The following AACS variants were observed in gnomAD, a reference collection of about 807,000 sequenced individuals.
AACS encodes acetoacetyl-CoA synthetase, also known as acetoacetate-CoA ligase.
In AACS, 69 loss-of-function variants were observed where a neutral mutation model predicts 83.1. The ratio of observed to expected loss-of-function variants is 0.83; its 90% CI spans 0.68 to 1.01. The LOEUF (loss-of-function observed/expected upper bound fraction) is 1.01, where lower values mean the gene tolerates loss of function less well. Among genes scored for constraint, AACS ranks in the 50% least tolerant of loss-of-function variants. The pLI is 0.00. For synonymous variants in AACS, 333 were observed against 343.4 expected (o/e 0.97, Z 0.33); for missense variants, 866 against 882.2 (o/e 0.98, Z 0.23).
intron 4 of AACS, 128 bp downstream of exon 4, chr12:125,086,571 G>C (rs535367166): frequency 1.3e-5 from 10 of 794,990 alleles, no homozygotes; most frequent in South Asian, 1.0e-4. Flanking sequence ...GTGGGACTTG[G>C]ACTCTACATG....
chr12:125,104,407 A>T (rs1028437147), intron 7 of AACS, among the ~76,000 whole-genome samples: 1 of 152,190 alleles, frequency 6.6e-6, no homozygotes, highest in African/African-American at 2.4e-5. Flanking sequence ...GGGGCACCAC[A>T]AGGTACAAAT....
chr12:125,081,691 G>C (rs1956189658), intron 3 of AACS, among the ~76,000 whole-genome samples: 1 of 152,196 alleles, frequency 6.6e-6, no homozygotes, highest in Non-Finnish European at 1.5e-5. Context: ...GAGATTGTTA[G>C]AACAGCTGCC....
At chr12:125,109,220 C>T (rs980717268) in intron 8 of AACS, among the ~76,000 whole-genome samples, 3 of 152,140 alleles carry the variant, frequency 2.0e-5, no homozygotes, top group African/African-American at 4.8e-5. Flanking sequence ...CAACCTCTAC[C>T]TCCTGGGCCC....
chr12:125,065,514 C>G lies in AACS; in HGVS notation c.-71C>G. On this transcript the variant is annotated 5_prime_UTR_variant, in exon 1 of 18. Coordinates refer to ENST00000316519, the MANE Select transcript of AACS (RefSeq NM_023928.5). The stretch of plus-strand genomic sequence containing the variant: ...ACCGTCGCTTCCTCCGGTCCCAGGT[C>G]CCCGGCCCTCGCCTCAGCCCCGGCC... 7.3e-7 allele frequency: 1 copy of G among 1,368,348 alleles called. No individual in the cohort carries two copies. The highest frequency in any genetic ancestry group is 1.8e-5 in the South Asian group (1 of 56,998). 84.8% of individuals were successfully genotyped at this position (1,368,348 alleles called of 1,614,324 possible).
chr12:125,067,993 G>GT (rs1179881724), intron 1 of AACS, among the ~76,000 whole-genome samples: 5 of 152,216 alleles, frequency 3.3e-5, no homozygotes, highest in Non-Finnish European at 7.3e-5. Flanking sequence ...GTCAAGCCCA[G>GT]TGCTCAGCTC....
intron 4 of AACS, 46 bp from the exon 5 acceptor site, chr12:125,091,380 C>G: frequency 1.9e-6 from 3 of 1,593,060 alleles, no homozygotes; most frequent in Non-Finnish European, 2.6e-6. Context: ...TCTGCTACCT[C>G]CCATACACCC....
At chr12:125,085,473 C>T (rs563243205) in intron 3 of AACS, among the ~76,000 whole-genome samples, 20 of 152,374 alleles carry the variant, frequency 1.3e-4, no homozygotes, top group Admixed American at 2.6e-4. Context: ...ACGTGTGTTT[C>T]GTGGAACCAC....
rs138371145 is a variant in AACS at position 125,107,262 on chromosome 12, C to T, written c.909C>T (p.Ser303=). ...GCGCACCCAAGTGCATGGTGCATTC[C>T]GCTGGGGTAGGTCTCTGGGGAAGGC... The part of the protein sequence containing the change: ...TTGAPKCMVH[S]AGGTLIQHLK... Residue 303 remains serine, a synonymous_variant, in exon 8 of 18, where the codon TCC becomes TCT. Transcript: ENST00000316519. 214 of 1,613,586 alleles carry T rather than the reference C, an allele frequency of 1.3e-4. No individual in the cohort carries two copies. In the South Asian group the frequency reaches 1.3e-3, roughly 10 times the overall value.
At chr12:125,121,597 G>A (rs536360284) in intron 10 of AACS, 2 of 152,362 alleles carry the variant, frequency 1.3e-5, no homozygotes, top group South Asian at 4.1e-4. Flanking sequence ...CTTCACAGGG[G>A]TGTGTTTCTG....
intron 2 of AACS, among the ~76,000 whole-genome samples, chr12:125,075,031 G>A (rs1955986896): frequency 7.0e-6 from 1 of 143,746 alleles, no homozygotes; most frequent in African/African-American, 2.6e-5. Flanking sequence ...CTAGAGTGCA[G>A]TGGTGTGATC....
intron 10 of AACS, chr12:125,121,245 T>G (rs73423549): frequency 0.098 from 14,879 of 152,400 alleles, 1,329 homozygotes; most frequent in African/African-American, 0.24. Context: ...ATGCAGGCTT[T>G]AAACCACTAC....
At chr12:125,080,980 C>T (rs992127590) in intron 3 of AACS, among the ~76,000 whole-genome samples, 7 of 150,136 alleles carry the variant, frequency 4.7e-5, no homozygotes, top group Admixed American at 6.7e-5. Flanking sequence ...CGTGAGTCAC[C>T]GTGCCTGGCC....
In AACS at chr12:125,142,187, C is replaced by T; in HGVS notation, c.1977C>T (p.Thr659=). The change falls in exon 18 of 18, where the codon ACC becomes ACT. Residue 659 remains threonine, a synonymous_variant. Transcript: ENST00000316519. ...EQGGAFSNPE[T]LDLYRDIPEL... ...GAGGTGCTTTCTCGAACCCCGAGAC[C>T]CTGGATCTGTACCGGGACATCCCTG... The T allele has an allele frequency of 1.2e-6, 2 of 1,614,174 alleles. No homozygotes were observed. Among genetic ancestry groups the T allele is most frequent in the Non-Finnish European group, 8.5e-7 (1 of 1,180,034 alleles).
chr12:125,118,900 C>T lies in AACS; in HGVS notation c.1121+135C>T, dbSNP rs112381950. The T allele has an allele frequency of 2.9e-5, 38 of 1,329,228 alleles. No homozygotes were observed. In the African/African-American group the frequency reaches 4.7e-4, roughly 17 times the overall value. The allele number at this position is 1,329,228 out of a possible 1,614,324, so 82.3% of individuals were successfully genotyped here. ...AGCATGCTCTGCCTTTGTGGACGCCCCCTCTCCAAGAGGAGGGCATGGGAG... is the reference window on the plus strand; with the variant it reads ...AGCATGCTCTGCCTTTGTGGACGCCTCCTCTCCAAGAGGAGGGCATGGGAG... On this transcript the variant is annotated intron_variant, in intron 10 of 17. Coordinates refer to ENST00000316519, the MANE Select transcript of AACS (RefSeq NM_023928.5).
intron 17 of AACS, among the ~76,000 whole-genome samples, chr12:125,137,743 TGTGA>T (rs1156601301): frequency 2.0e-5 from 3 of 152,198 alleles, no homozygotes; most frequent in Non-Finnish European, 4.4e-5. Context: ...GCTGTGTGTG[TGTGA>T]GTGTGTGTGT....
At chr12:125,136,546 C>T (rs1367210409) in intron 16 of AACS, 116 bp from the exon 17 acceptor site, 32 of 762,138 alleles carry the variant, frequency 4.2e-5, no homozygotes, top group Non-Finnish European at 5.4e-5. Flanking sequence ...ACACAGGCAC[C>T]GCTGGAAGGC....
Position 125,094,773 on chromosome 12 carries a change from TC to T in AACS, c.570+3251del, listed in dbSNP as rs1956566550. 6.6e-6 allele frequency among the ~76,000 whole-genome samples: 1 copy of T among 152,230 alleles called. No homozygotes were observed. The highest frequency in any genetic ancestry group is 2.4e-5 in the African/African-American group (1 of 41,454). ...TCGCCAGGTTGGGGAAGTGCTCTGT[TC>T]TAAGGGTTCCCAACCTTTCCAGCCC... On this transcript the variant is annotated intron_variant, in intron 5 of 17. Coordinates refer to ENST00000316519, the MANE Select transcript of AACS (RefSeq NM_023928.5). This position sits in a 1 kb window ranked among gnomAD's most constrained non-coding sequence, Gnocchi z 4.1.
intron 8 of AACS, 94 bp from the exon 9 acceptor site, chr12:125,114,383 C>A: frequency 1.0e-6 from 1 of 983,364 alleles, no homozygotes; most frequent in Non-Finnish European, 1.5e-6. Context: ...GGGCTTCTTC[C>A]TGGCAGCGTC....
chr12:125,116,783 C>CAGCA (rs2136113852), intron 9 of AACS, among the ~76,000 whole-genome samples: 1 of 152,242 alleles, frequency 6.6e-6, no homozygotes, highest in African/African-American at 2.4e-5. Context: ...TGGGTTCTAA[C>CAGCA]AGCAGCCTTG....
Sources: gnomAD v4.1 joint callset for allele counts (sites outside exome capture counted in the v4.1 genomes callset) on GRCh38, gnomAD v4.1.1 for gene constraint, Gnocchi (gnomAD v3.1) non-coding constraint, MANE v1.5 for transcripts, NCBI Gene and HGNC (gene_info 2026-07-23, HGNC 2026-07-21) for gene names.